Variants in PPP4R1 observed in about 807,000 individuals in gnomAD.
The protein encoded by PPP4R1 is serine/threonine-protein phosphatase 4 regulatory subunit 1.
In PPP4R1, 42 loss-of-function variants were observed where a neutral mutation model predicts 111.2. That is an observed-to-expected ratio of 0.38 (90% CI 0.29 to 0.49). The LOEUF is 0.49. PPP4R1 is among the 20% of genes least tolerant of loss of function. The pLI, the probability that PPP4R1 is intolerant of heterozygous loss-of-function variation, is 0.97. For missense variants in PPP4R1, 1,012 were observed against 1,161.6 expected (o/e 0.87, Z 1.87); for synonymous variants, 409 against 405.5 (o/e 1.01, Z -0.10).
At position 9,614,355 on chromosome 18, in the gene PPP4R1, C is replaced by T. The variant is rs2067649928; in HGVS notation, c.8-85G>A. 1 of 1,062,098 alleles carries T rather than the reference C, an allele frequency of 9.4e-7. No homozygotes were observed. The highest frequency in any genetic ancestry group is 5.6e-5 in the Admixed American group (1 of 18,008). 65.8% of individuals were successfully genotyped at this position (1,062,098 alleles called of 1,614,324 possible). A position where few individuals can be genotyped will look rare whatever the true frequency, so the allele number is the denominator to read the frequency against. On this transcript the variant is annotated intron_variant, in intron 1 of 19. Transcript: ENST00000400556. The surrounding 1 kb of genome is among the most constrained non-coding windows in gnomAD (Gnocchi z 4.1). ...CCCCCCCGCCCGCCTCCCCCCCGCC[C>T]CGGGGGCGCCTTCCCGCGCCGGGAC... is the stretch of plus-strand genomic sequence containing the variant.
intron 6 of PPP4R1, chr18:9,587,400 TTTTTTTTG>T (rs2067136676): frequency 6.9e-6 from 1 of 144,038 alleles, no homozygotes; most frequent in Non-Finnish European, 1.5e-5. Context: ...CTTTCTTTTT[TTTTTTTTG>T]TTTTGTTTTT....
chr18:9,602,119 AT>A (rs1468055471), intron 2 of PPP4R1, among the ~76,000 whole-genome samples: 1 of 152,192 alleles, frequency 6.6e-6, no homozygotes, highest in East Asian at 1.9e-4. Flanking sequence ...CTCCAGAAGT[AT>A]CCTCTCTCTA....
At chr18:9,596,456 T>A (rs1203312783) in intron 2 of PPP4R1, among the ~76,000 whole-genome samples, 13 of 152,232 alleles carry the variant, frequency 8.5e-5, no homozygotes, top group Non-Finnish European at 1.8e-4. Flanking sequence ...AGTCTGTCTC[T>A]CTAGAGTAAG....
intron 10 of PPP4R1, among the ~76,000 whole-genome samples, chr18:9,575,754 C>T (rs958636138): frequency 3.9e-5 from 6 of 152,170 alleles, no homozygotes; most frequent in Non-Finnish European, 7.3e-5. Context: ...GTAATGTCTA[C>T]GGCTGCTTAT....
intron 6 of PPP4R1, among the ~76,000 whole-genome samples, chr18:9,585,675 T>C (rs746295373): frequency 1.9e-4 from 29 of 152,140 alleles, no homozygotes; most frequent in Non-Finnish European, 3.1e-4. Context: ...CCAGAATAAG[T>C]ATGTTTAGGA....
At chr18:9,573,649 G>A (rs2066895568) in intron 10 of PPP4R1, among the ~76,000 whole-genome samples, 1 of 152,154 alleles carries the variant, frequency 6.6e-6, no homozygotes, top group Admixed American at 6.5e-5. Context: ...CCAGGCTGGT[G>A]TAAAGTGGTA....
intron 9 of PPP4R1, 30 bp from the exon 10 acceptor site, chr18:9,577,221 G>C (rs371794287): frequency 1.7e-4 from 267 of 1,575,932 alleles, no homozygotes; most frequent in Middle Eastern, 1.0e-3. Context: ...AATAATAAAG[G>C]AATCATTTTG....
chr18:9,599,465 C>T (rs1423494219), intron 2 of PPP4R1, among the ~76,000 whole-genome samples: 2 of 152,022 alleles, frequency 1.3e-5, no homozygotes, highest in Non-Finnish European at 2.9e-5. Flanking sequence ...TGAGAAACAA[C>T]AAGATAAAGA....
At chr18:9,583,808 CAT>C (rs1207802745) in intron 8 of PPP4R1, among the ~76,000 whole-genome samples, 1 of 151,224 alleles carries the variant, frequency 6.6e-6, no homozygotes, top group African/African-American at 2.4e-5. Flanking sequence ...AAATATATAA[CAT>C]ATAATAATAT....
chr18:9,575,718 G>C (rs528896479), intron 10 of PPP4R1, among the ~76,000 whole-genome samples: 1 of 152,138 alleles, frequency 6.6e-6, no homozygotes, highest in Non-Finnish European at 1.5e-5. Context: ...AGTTTTACTG[G>C]AACACAGCCA....
chr18:9,613,364 CTT>C (rs1598974478), intron 2 of PPP4R1, among the ~76,000 whole-genome samples: 1 of 152,166 alleles, frequency 6.6e-6, no homozygotes, highest in Admixed American at 6.5e-5. Flanking sequence ...CTGCTTAACT[CTT>C]TTGTCTTTTC....
At chr18:9,568,933 G>A (rs1008009395) in intron 11 of PPP4R1, among the ~76,000 whole-genome samples, 3 of 152,062 alleles carry the variant, frequency 2.0e-5, no homozygotes, top group Non-Finnish European at 4.4e-5. Flanking sequence ...TACTTGAGAG[G>A]TTGAGGCCAA....
At position 9,564,131 on chromosome 18, in the gene PPP4R1, T is replaced by C. The variant is rs556093227; in HGVS notation, c.1574-581A>G. ...GCTTGCAGCAAACCAAAAGGACAAC[T>C]TACCAGGCAGTGGTTCAAAAATCTG... On this transcript the variant is annotated intron_variant, in intron 11 of 19. Coordinates refer to ENST00000400556, the MANE Select transcript of PPP4R1 (RefSeq NM_001042388.3). Among the ~76,000 whole-genome samples, 3 of 152,326 alleles carry C rather than the reference T, an allele frequency of 2.0e-5. No individual in the cohort carries two copies. The South Asian group carries it at 6.2e-4, about 32-fold the overall frequency.
At chr18:9,563,192 CAT>C (rs2066705488) in intron 12 of PPP4R1, 184 bp downstream of exon 12, 1 of 1,183,130 alleles carries the variant, frequency 8.5e-7, no homozygotes, top group African/African-American at 1.6e-5. Context: ...CCAGGCATTT[CAT>C]ATGACACTAA....
At chr18:9,583,467 A>G (rs928612660) in intron 8 of PPP4R1, among the ~76,000 whole-genome samples, 192 bp from the exon 9 acceptor site, 5 of 152,082 alleles carry the variant, frequency 3.3e-5, no homozygotes, top group African/African-American at 1.2e-4. Flanking sequence ...CCTGGGTTCC[A>G]GCAATTCTCC....
At position 9,562,030 on chromosome 18, in the gene PPP4R1, T is replaced by G; in HGVS notation, c.1792A>C (p.Ser598Arg). The G allele has an allele frequency of 6.2e-7, 1 of 1,613,448 alleles. No individual in the cohort carries two copies. The highest frequency in any genetic ancestry group is 8.5e-7 in the Non-Finnish European group (1 of 1,179,492). Residue 598 changes from serine (S) to arginine (R), a missense_variant, in exon 13 of 20, where the codon AGC becomes CGC. Transcript: ENST00000400556. Reference sequence around the variant, plus strand: ...TCAGGGCTAAAACTGCTATTGTTGCTCAAGTCTGAATCGCTGTGAATATAG... The same window carrying G: ...TCAGGGCTAAAACTGCTATTGTTGCGCAAGTCTGAATCGCTGTGAATATAG... The part of the protein sequence containing the change: ...LHYIHSDSDL[S>R]NNSSFSPDEE...
intron 4 of PPP4R1, 42 bp from the exon 5 acceptor site, chr18:9,588,895 A>G (rs1222346336): frequency 6.3e-7 from 1 of 1,599,100 alleles, no homozygotes; most frequent in African/African-American, 1.4e-5. Flanking sequence ...GTTCTCCTGC[A>G]GCAACAAAAC....
intron 10 of PPP4R1, among the ~76,000 whole-genome samples, chr18:9,574,151 CTG>C (rs1422501696): frequency 6.6e-6 from 1 of 152,080 alleles, no homozygotes; most frequent in Non-Finnish European, 1.5e-5. Context: ...CTTTGTGACT[CTG>C]TATAATGGGA....
chr18:9,556,042 T>C (rs1018159634), intron 15 of PPP4R1, among the ~76,000 whole-genome samples: 2 of 150,638 alleles, frequency 1.3e-5, no homozygotes, highest in Non-Finnish European at 3.0e-5. Flanking sequence ...GCACCTGTAG[T>C]CCCAGCTACT....
Sources: gnomAD v4.1 joint callset for allele counts (sites outside exome capture counted in the v4.1 genomes callset) on GRCh38, gnomAD v4.1.1 for gene constraint, Gnocchi (gnomAD v3.1) non-coding constraint, MANE v1.5 for transcripts, NCBI Gene and HGNC (gene_info 2026-07-23, HGNC 2026-07-21) for gene names.